GPAT3: variants seen among roughly 807,000 people sequenced by gnomAD.
GPAT3 encodes the protein glycerol-3-phosphate acyltransferase 3, also known as 1-AGP acyltransferase 9.
GPAT3 carries 53 observed loss-of-function variants against 58.8 expected under a neutral mutation model. The ratio of observed to expected loss-of-function variants is 0.90; its 90% CI spans 0.72 to 1.13. The LOEUF is 1.13. Ranked by LOEUF, GPAT3 falls within the 50% of genes most tolerant of loss-of-function variation. The pLI is 0.00. For missense variants in GPAT3, 511 were observed against 527.6 expected (o/e 0.97, Z 0.31); for synonymous variants, 197 against 187.4 (o/e 1.05, Z -0.42).
intron 2 of GPAT3, among the ~76,000 whole-genome samples, chr4:83,545,262 G>A (rs1034388217): frequency 6.6e-6 from 1 of 152,072 alleles, no homozygotes; most frequent in Non-Finnish European, 1.5e-5. Context: ...GCAACATGGC[G>A]AAACCCTGTC....
Position 83,536,245 on chromosome 4 carries a change from G to A in GPAT3, c.-378G>A. 2.0e-6 allele frequency: 2 copies of A among 1,008,398 alleles called. No homozygotes were observed. Among genetic ancestry groups the A allele is most frequent in the Non-Finnish European group, 2.4e-6 (2 of 845,078 alleles). The allele number at this position is 1,008,398 out of a possible 1,614,324, so 62.5% of individuals were successfully genotyped here. A position where few individuals can be genotyped will look rare whatever the true frequency, so the allele number is the denominator to read the frequency against. On this transcript the variant is annotated 5_prime_UTR_variant, in exon 1 of 12. Coordinates refer to ENST00000264409, the MANE Select transcript of GPAT3 (RefSeq NM_032717.5). ...TGAGTTGTCGCAATCGCCACCCAGA[G>A]GAAATCAGGCACCGGGCGGGGCGGG...
At chr4:83,548,400 GAGTTTGA>G (rs1724624729) in intron 2 of GPAT3, among the ~76,000 whole-genome samples, 1 of 152,180 alleles carries the variant, frequency 6.6e-6, no homozygotes. Flanking sequence ...TGTTAGGTTG[GAGTTTGA>G]ATCGGCTCAT....
intron 2 of GPAT3, among the ~76,000 whole-genome samples, chr4:83,574,867 CTTTTTTTTTTTTTTGTT>C (rs1339027673): frequency 2.7e-5 from 3 of 112,912 alleles, no homozygotes; most frequent in Non-Finnish European, 3.8e-5. Flanking sequence ...ACATTTCTTT[CTTTTTTTTTTTTTTGTT>C]TTTTTTTTTT....
At position 83,588,032 on chromosome 4, in the gene GPAT3, A is replaced by G. The variant is rs116087665; in HGVS notation, c.555-178A>G. On this transcript the variant is annotated intron_variant, in intron 4 of 11. Transcript: ENST00000264409. ...TTTTTTGGTAGACTTTTGTGATCTAATACTAAATGTGCCAATGAGACTATA... is the reference window on the plus strand; with the variant it reads ...TTTTTTGGTAGACTTTTGTGATCTAGTACTAAATGTGCCAATGAGACTATA... Among the ~76,000 whole-genome samples the G allele has an allele frequency of 7.0e-3, 1,062 of 152,298 alleles. 14 individuals are homozygous for G. Among genetic ancestry groups the G allele is most frequent in the African/African-American group, 0.025 (1,023 of 41,552 alleles).
At chr4:83,548,171 G>C (rs1045549104) in intron 2 of GPAT3, among the ~76,000 whole-genome samples, 10 of 152,196 alleles carry the variant, frequency 6.6e-5, no homozygotes, top group African/African-American at 2.4e-4. Context: ...GCTAGGACAA[G>C]AAAATACAGG....
At chr4:83,545,717 C>T (rs1724482255) in intron 2 of GPAT3, among the ~76,000 whole-genome samples, 1 of 151,996 alleles carries the variant, frequency 6.6e-6, no homozygotes, top group Non-Finnish European at 1.5e-5. Flanking sequence ...ATATTTTATC[C>T]TTTTTTTAAT....
At chr4:83,574,870 T>TC (rs1320507242) in intron 2 of GPAT3, among the ~76,000 whole-genome samples, 31 of 144,422 alleles carry the variant, frequency 2.1e-4, no homozygotes, top group African/African-American at 7.5e-4. Flanking sequence ...TTTCTTTCTT[T>TC]TTTTTTTTTT....
chr4:83,583,035 C>T (rs1460477955), intron 3 of GPAT3, among the ~76,000 whole-genome samples: 3 of 152,140 alleles, frequency 2.0e-5, no homozygotes, highest in East Asian at 1.9e-4. Context: ...CAGTGGCTCA[C>T]GCCTGTAATC....
chr4:83,596,490 T>C (rs1267727765), intron 7 of GPAT3, among the ~76,000 whole-genome samples: 2 of 151,828 alleles, frequency 1.3e-5, no homozygotes, highest in Admixed American at 6.6e-5. Flanking sequence ...GGTGTAGTGG[T>C]GCATATCTGT....
At chr4:83,590,905 T>C (rs1427818756) in intron 6 of GPAT3, among the ~76,000 whole-genome samples, 9 of 148,804 alleles carry the variant, frequency 6.0e-5, no homozygotes, top group Non-Finnish European at 7.4e-5. Context: ...TTTTTTTTTT[T>C]CAAATCTGTG....
intron 2 of GPAT3, among the ~76,000 whole-genome samples, chr4:83,562,213 A>ATATATATATATATAATATATATATAT (rs1560611104): frequency 4.9e-5 from 1 of 20,366 alleles, no homozygotes; most frequent in African/African-American, 4.3e-4. Context: ...TATATATATT[A>ATATATATATATATAATATATATATAT]TATATATATA....
At chr4:83,566,033 T>C (rs1560613454) in intron 2 of GPAT3, among the ~76,000 whole-genome samples, 1 of 151,732 alleles carries the variant, frequency 6.6e-6, no homozygotes, top group East Asian at 1.9e-4. Flanking sequence ...TTCAAGGGAG[T>C]GTTATTTCCC....
chr4:83,590,028 G>A (rs1440784064), intron 5 of GPAT3, among the ~76,000 whole-genome samples, 171 bp from the exon 6 acceptor site: 1 of 152,104 alleles, frequency 6.6e-6, no homozygotes, highest in Admixed American at 6.6e-5. Flanking sequence ...TGGAGGTGGA[G>A]GTTGCCATGA....
At chr4:83,549,160 C>G (rs1401666103) in intron 2 of GPAT3, among the ~76,000 whole-genome samples, 2 of 128,396 alleles carry the variant, frequency 1.6e-5, no homozygotes, top group Non-Finnish European at 3.2e-5. Flanking sequence ...ATAGTGAGAC[C>G]CATCTGAAAA....
intron 2 of GPAT3, among the ~76,000 whole-genome samples, chr4:83,557,446 A>C (rs1200445713): frequency 6.6e-6 from 1 of 152,188 alleles, no homozygotes; most frequent in African/African-American, 2.4e-5. Context: ...TGGCTTCCCT[A>C]GGCCACATTG....
chr4:83,597,526 T>TA lies in GPAT3; in HGVS notation c.996+12dup, dbSNP rs1726890073. ...CCAGTTGCAATTAAGGTAAAACAGA[T>TA]ACCATAATAAGAATAATAATTATTA... On this transcript the variant is annotated intron_variant, in intron 9 of 11. Coordinates refer to ENST00000264409, the MANE Select transcript of GPAT3 (RefSeq NM_032717.5). The TA allele has an allele frequency of 7.5e-6, 11 of 1,465,338 alleles. No homozygotes were observed. The highest frequency in any genetic ancestry group is 1.0e-5 in the Non-Finnish European group (11 of 1,079,150). 90.8% of individuals were successfully genotyped at this position (1,465,338 alleles called of 1,614,324 possible). A position where few individuals can be genotyped will look rare whatever the true frequency, so the allele number is the denominator to read the frequency against.
At chr4:83,572,379 A>G (rs550574883) in intron 2 of GPAT3, among the ~76,000 whole-genome samples, 28 of 152,358 alleles carry the variant, frequency 1.8e-4, no homozygotes, top group Non-Finnish European at 2.6e-4. Flanking sequence ...ATTTTTAAGC[A>G]TAGTATTAAT....
At chr4:83,599,923 A>G (rs1726992643) in intron 11 of GPAT3, among the ~76,000 whole-genome samples, 1 of 152,206 alleles carries the variant, frequency 6.6e-6, no homozygotes, top group African/African-American at 2.4e-5. Flanking sequence ...AGTAATAGAG[A>G]TTAACAACAA....
chr4:83,579,087 C>CT (rs1725997997), intron 2 of GPAT3, among the ~76,000 whole-genome samples: 1 of 68,250 alleles, frequency 1.5e-5, no homozygotes, highest in Non-Finnish European at 3.2e-5. Flanking sequence ...TCTTCCCTTC[C>CT]TTCCTTCCTT....
Sources: allele counts gnomAD v4.1 joint callset (sites outside exome capture counted in the v4.1 genomes callset), GRCh38; gene constraint gnomAD v4.1.1; transcripts MANE v1.5; gene names NCBI Gene and HGNC (gene_info 2026-07-23, HGNC 2026-07-21).